BMP5: variants seen among roughly 807,000 people sequenced by gnomAD.
BMP5 encodes the protein bone morphogenetic protein 5.
In BMP5, 23 loss-of-function variants were observed where a neutral mutation model predicts 46.6. The ratio of observed to expected loss-of-function variants is 0.49; its 90% CI spans 0.35 to 0.70. The LOEUF (loss-of-function observed/expected upper bound fraction) is 0.70. Among genes scored for constraint, BMP5 ranks in the 30% least tolerant of loss-of-function variants. The pLI is 0.00. For synonymous variants in BMP5, 204 were observed against 191.9 expected, an observed-to-expected ratio of 1.06 and a Z score of -0.52; for missense variants, 545 against 565.6, an observed-to-expected ratio of 0.96 and a Z score of 0.37.
intron 6 of BMP5, 142 bp downstream of exon 6, chr6:55,758,863 T>A: frequency 1.4e-6 from 1 of 691,752 alleles, no homozygotes; most frequent in Non-Finnish European, 2.6e-6. Flanking sequence ...CCACAGTTGT[T>A]ACTTCAGCTC....
chr6:55,764,589 A>AAAAAAAAAAAAAG (rs1562026349), intron 4 of BMP5, among the ~76,000 whole-genome samples: 1 of 147,560 alleles, frequency 6.8e-6, no homozygotes, highest in African/African-American at 2.5e-5. Context: ...AAAAAAAAAG[A>AAAAAAAAAAAAAG]AAAAAAGAAA....
At chr6:55,829,017 T>C (rs1304562812) in intron 1 of BMP5, among the ~76,000 whole-genome samples, 3 of 151,834 alleles carry the variant, frequency 2.0e-5, no homozygotes, top group South Asian at 2.1e-4. Context: ...TCATATGGAA[T>C]AATATATAAT....
intron 1 of BMP5, among the ~76,000 whole-genome samples, chr6:55,861,098 A>C (rs894502900): frequency 5.0e-4 from 76 of 152,344 alleles, no homozygotes; most frequent in African/African-American, 1.7e-3. Flanking sequence ...GAGGAGTTTC[A>C]GTCATGACTA....
intron 1 of BMP5, among the ~76,000 whole-genome samples, chr6:55,867,000 A>C (rs889710176): frequency 6.6e-6 from 1 of 152,190 alleles, no homozygotes; most frequent in African/African-American, 2.4e-5. Flanking sequence ...CTGACTAAAC[A>C]ACCAATGTTT....
chr6:55,821,668 C>A (rs1411219701), intron 1 of BMP5, among the ~76,000 whole-genome samples: 2 of 152,078 alleles, frequency 1.3e-5, no homozygotes, highest in Admixed American at 6.6e-5. Flanking sequence ...ACAAAAAACC[C>A]ATTTGTAAGA....
At chr6:55,811,430 A>G (rs1439021304) in intron 2 of BMP5, among the ~76,000 whole-genome samples, 8 of 152,200 alleles carry the variant, frequency 5.3e-5, no homozygotes, top group African/African-American at 1.9e-4. Flanking sequence ...TATTTGTGAA[A>G]AAATTAATTC....
rs116617042 is a variant in BMP5 at position 55,781,964 on chromosome 6, A to G, written c.833-7721T>C. On this transcript the variant is annotated intron_variant, in intron 3 of 6. Coordinates refer to ENST00000370830, the MANE Select transcript of BMP5 (RefSeq NM_021073.4). ...CATAGGCTACTTCCAGGATCTTTGGATCAGTCTAGTACCAGCAAAATAGAA... is the reference window on the plus strand; with the variant it reads ...CATAGGCTACTTCCAGGATCTTTGGGTCAGTCTAGTACCAGCAAAATAGAA... 6.9e-3 allele frequency among the ~76,000 whole-genome samples: 1,056 copies of G among 152,098 alleles called. 12 individuals carry two copies. The highest frequency in any genetic ancestry group is 0.024 in the African/African-American group (989 of 41,506).
intron 2 of BMP5, among the ~76,000 whole-genome samples, chr6:55,817,614 G>T (rs371564949): frequency 9.2e-5 from 14 of 152,148 alleles, no homozygotes; most frequent in Admixed American, 3.3e-4. Flanking sequence ...GTGGGAGGAG[G>T]GGGGAGGGAT....
At chr6:55,836,568 G>T (rs1164546898) in intron 1 of BMP5, among the ~76,000 whole-genome samples, 2 of 150,988 alleles carry the variant, frequency 1.3e-5, no homozygotes, top group African/African-American at 4.9e-5. Context: ...ACAATATCTG[G>T]GCTGTAAAGA....
chr6:55,804,140 T>C (rs1383020571), intron 2 of BMP5, among the ~76,000 whole-genome samples: 1 of 152,362 alleles, frequency 6.6e-6, no homozygotes, highest in East Asian at 1.9e-4. Context: ...TATGTTGAAG[T>C]ACTAGTCCCT....
intron 2 of BMP5, among the ~76,000 whole-genome samples, chr6:55,818,249 C>A (rs1198607246): frequency 6.9e-6 from 1 of 144,592 alleles, no homozygotes; most frequent in African/African-American, 2.5e-5. Context: ...TAGTGTCTGG[C>A]TTTTTTTTTT....
At chr6:55,816,086 C>A (rs1191782094) in intron 2 of BMP5, among the ~76,000 whole-genome samples, 1 of 151,872 alleles carries the variant, frequency 6.6e-6, no homozygotes, top group East Asian at 1.9e-4. Context: ...GTATGCCAAT[C>A]ATTCCTGAAA....
intron 4 of BMP5, among the ~76,000 whole-genome samples, chr6:55,763,668 T>C (rs1774839503): frequency 6.6e-6 from 1 of 151,950 alleles, no homozygotes; most frequent in East Asian, 1.9e-4. Context: ...AAATGAAGAG[T>C]CATGGCAAAA....
At chr6:55,853,389 G>A (rs1450682418) in intron 1 of BMP5, among the ~76,000 whole-genome samples, 1 of 135,360 alleles carries the variant, frequency 7.4e-6, no homozygotes, top group Non-Finnish European at 1.5e-5. Flanking sequence ...ATAGGAAACA[G>A]AATCAAGTTT....
rs114543579 is a variant in BMP5, at chr6:55,826,388, T to C, written c.491-6541A>G. Among the ~76,000 whole-genome samples, 998 of 151,934 alleles carry C rather than the reference T, an allele frequency of 6.6e-3. 14 individuals are homozygous for C. Among genetic ancestry groups the C allele is most frequent in the African/African-American group, 0.023 (946 of 41,542 alleles). On this transcript the variant is annotated intron_variant, in intron 1 of 6. Coordinates refer to ENST00000370830, the MANE Select transcript of BMP5 (RefSeq NM_021073.4). ...TTATTAGATAGTTAAATAATTGTAA[T>C]ATTCTACTATAACTAAACAAATTGA...
At chr6:55,805,320 G>C (rs1006396936) in intron 2 of BMP5, among the ~76,000 whole-genome samples, 1 of 152,098 alleles carries the variant, frequency 6.6e-6, no homozygotes, top group Non-Finnish European at 1.5e-5. Context: ...TGCCATGGTA[G>C]TTTGCTGCAC....
chr6:55,850,876 GATA>G (rs1777226051), intron 1 of BMP5, among the ~76,000 whole-genome samples: 1 of 152,144 alleles, frequency 6.6e-6, no homozygotes, highest in Non-Finnish European at 1.5e-5. Context: ...GCAAACAGGA[GATA>G]ATAAACAGTT....
intron 1 of BMP5, among the ~76,000 whole-genome samples, chr6:55,843,644 A>G (rs1383213798): frequency 6.6e-6 from 1 of 152,080 alleles, no homozygotes; most frequent in Non-Finnish European, 1.5e-5. Context: ...TTTATGGTGG[A>G]GTAATCTGAG....
intron 1 of BMP5, among the ~76,000 whole-genome samples, chr6:55,839,256 T>C (rs994998807): frequency 1.3e-5 from 2 of 152,060 alleles, no homozygotes; most frequent in African/African-American, 2.4e-5. Flanking sequence ...ATTTCATTTT[T>C]ATTTATTTAG....
Sources: gnomAD v4.1 joint callset for allele counts (sites outside exome capture counted in the v4.1 genomes callset) on GRCh38, gnomAD v4.1.1 for gene constraint, MANE v1.5 for transcripts, NCBI Gene and HGNC (gene_info 2026-07-23, HGNC 2026-07-21) for gene names.